Variants in SCARB1 observed in about 807,000 individuals in gnomAD.
SCARB1 encodes the protein scavenger receptor class B member 1.
A neutral mutation model predicts 57.2 loss-of-function variants in SCARB1; 30 were observed. The ratio of observed to expected loss-of-function variants is 0.52; its 90% CI spans 0.39 to 0.71. The LOEUF (loss-of-function observed/expected upper bound fraction) is 0.71. SCARB1 is among the 30% of genes least tolerant of loss of function. The probability of loss-of-function intolerance (pLI) is 0.00; values close to 1 mark genes in which losing one functional copy is unlikely to be tolerated. For synonymous variants in SCARB1, 249 were observed against 268.3 expected (o/e 0.93, Z 0.70); for missense variants, 543 against 671.2 (o/e 0.81, Z 2.11).
At chr12:124,837,584 AAAAGAAAAG>A (rs1951733826) in intron 1 of SCARB1, among the ~76,000 whole-genome samples, 1 of 6,496 alleles carries the variant, frequency 1.5e-4, no homozygotes, top group Non-Finnish European at 6.5e-3. Flanking sequence ...AAAAGAAAAG[AAAAGAAAAG>A]AAAAGTCAGC....
At chr12:124,801,743 C>G (rs918289932) in intron 7 of SCARB1, among the ~76,000 whole-genome samples, 1 of 151,580 alleles carries the variant, frequency 6.6e-6, no homozygotes, top group African/African-American at 2.4e-5. Flanking sequence ...GAGCTGAAAT[C>G]GCATCACTGC....
At position 124,837,458 on chromosome 12, in the gene SCARB1, GGAAAGAAA is replaced by G. The variant is rs750904329; in HGVS notation, c.127-19759_127-19752del. ...GGGAAGAAAGAAAAGAAAGAAAGAAGGAAAGAAAGAAAGAAAGGAAGGAAGGAAGGAAG... is the reference window on the plus strand; with the variant it reads ...GGGAAGAAAGAAAAGAAAGAAAGAAGGAAAGAAAGGAAGGAAGGAAGGAAG... On this transcript the variant is annotated intron_variant, in intron 1 of 12. Coordinates refer to ENST00000261693, the MANE Select transcript of SCARB1 (RefSeq NM_005505.5). 1.0e-4 allele frequency among the ~76,000 whole-genome samples: 6 copies of G among 59,790 alleles called. 1 individual carries two copies. The highest frequency in any genetic ancestry group is 1.8e-4 in the African/African-American group (3 of 17,074). The allele number at this position is 59,790 out of a possible 152,430, so 39.2% of individuals were successfully genotyped here. A position where few individuals can be genotyped will look rare whatever the true frequency, so the allele number is the denominator to read the frequency against.
chr12:124,822,041 T>A lies in SCARB1; in HGVS notation c.127-4334A>T, dbSNP rs1443191327. Among the ~76,000 whole-genome samples the A allele has an allele frequency of 6.6e-6, 1 of 152,034 alleles. No individual in the cohort carries two copies. The highest frequency in any genetic ancestry group is 1.5e-5 in the Non-Finnish European group (1 of 67,976). ...CCTTGTTGGACGCCACTCCCTCCCA[T>A]CTGGCGAAATAGACCCTTTGAGCCC... On this transcript the variant is annotated intron_variant, in intron 1 of 12. Coordinates refer to ENST00000261693, the MANE Select transcript of SCARB1 (RefSeq NM_005505.5). This position sits in a 1 kb window ranked among gnomAD's most constrained non-coding sequence, Gnocchi z 5.0.
At chr12:124,851,019 A>T (rs1405617619) in intron 1 of SCARB1, among the ~76,000 whole-genome samples, 1 of 152,200 alleles carries the variant, frequency 6.6e-6, no homozygotes. Context: ...GACCAATCAC[A>T]GCAGTCCATT....
intron 1 of SCARB1, among the ~76,000 whole-genome samples, chr12:124,858,878 C>CAAA (rs1353288326): frequency 8.1e-6 from 1 of 123,326 alleles, no homozygotes; most frequent in Non-Finnish European, 1.7e-5. Flanking sequence ...GACTCCGTCT[C>CAAA]AAAAAAAAAA....
At chr12:124,841,351 GCAA>G (rs1283422293) in intron 1 of SCARB1, among the ~76,000 whole-genome samples, 34 of 148,642 alleles carry the variant, frequency 2.3e-4, no homozygotes, top group African/African-American at 8.2e-4. Context: ...CCCCGCCTGG[GCAA>G]CAGAGCAAGA....
chr12:124,804,117 G>C (rs1443924230), intron 7 of SCARB1, among the ~76,000 whole-genome samples: 1 of 152,150 alleles, frequency 6.6e-6, no homozygotes, highest in Non-Finnish European at 1.5e-5. Context: ...CCACCCAGGA[G>C]CCATCTGAGC....
At chr12:124,786,635 G>A (rs1223985265) in intron 10 of SCARB1, 132 bp from the exon 11 acceptor site, 2 of 1,513,690 alleles carry the variant, frequency 1.3e-6, no homozygotes, top group African/African-American at 2.8e-5. Flanking sequence ...TAAAGCATGT[G>A]TTGGAGCCTG....
rs1305220516 is a variant in SCARB1 at position 124,800,253 on chromosome 12, G to A, written c.1010-11C>T. ...GAAACAAGGGGGCACCTAGAAGAGG[G>A]GCAGGGAGGGGACATCAGACAAGGA... On this transcript the variant is annotated splice_polypyrimidine_tract_variant and intron_variant, in intron 7 of 12. Transcript: ENST00000261693. The surrounding 1 kb of genome is among the most constrained non-coding windows in gnomAD (Gnocchi z 4.8). 1.3e-6 allele frequency: 2 copies of A among 1,580,670 alleles called. No individual in the cohort carries two copies. Among genetic ancestry groups the A allele is most frequent in the Admixed American group, 3.3e-5 (2 of 59,972 alleles).
rs376084893 is a variant in SCARB1, at chr12:124,817,007, C to T, written c.284+543G>A. Among the ~76,000 whole-genome samples, 205 of 147,018 alleles carry T rather than the reference C, an allele frequency of 1.4e-3. 1 individual carries two copies. The highest frequency in any genetic ancestry group is 4.7e-3 in the African/African-American group (188 of 39,710). On this transcript the variant is annotated intron_variant, in intron 2 of 12. Coordinates refer to ENST00000261693, the MANE Select transcript of SCARB1 (RefSeq NM_005505.5). The surrounding 1 kb of genome is among the most constrained non-coding windows in gnomAD (Gnocchi z 4.8). ...ATAGGGTCTGGGGGGTCGGTCCCTG[C>T]TCCTGGTCATGCATGTGTGTGTGTG...
chr12:124,783,018 G>C (rs1478922680), intron 11 of SCARB1: 3 of 562,240 alleles, frequency 5.3e-6, no homozygotes, highest in Non-Finnish European at 9.5e-6. Context: ...AAACACACCT[G>C]GGAGGTGGAC....
At position 124,807,263 on chromosome 12, in the gene SCARB1, G is replaced by A. The variant is rs1037865624; in HGVS notation, c.1009+498C>T. ...TGGGGTATCCAGGAGAGCACGATGT[G>A]GTCTTAAGGGTCCTTAGAACTGGAA... On this transcript the variant is annotated intron_variant, in intron 7 of 12. Coordinates refer to ENST00000261693, the MANE Select transcript of SCARB1 (RefSeq NM_005505.5). This position sits in a 1 kb window ranked among gnomAD's most constrained non-coding sequence, Gnocchi z 5.3. Among the ~76,000 whole-genome samples, 2 of 152,108 alleles carry A rather than the reference G, an allele frequency of 1.3e-5. No homozygotes were observed. The highest frequency in any genetic ancestry group is 4.8e-5 in the African/African-American group (2 of 41,412).
chr12:124,824,580 T>C (rs1013405885), intron 1 of SCARB1, among the ~76,000 whole-genome samples: 22 of 152,226 alleles, frequency 1.4e-4, no homozygotes, highest in South Asian at 4.1e-4. Context: ...CAAATTAAAA[T>C]GAGATATCAT....
intron 1 of SCARB1, among the ~76,000 whole-genome samples, chr12:124,832,430 GAATC>G (rs1415130609): frequency 6.6e-6 from 1 of 151,686 alleles, no homozygotes; most frequent in African/African-American, 2.4e-5. Flanking sequence ...TGAGGAAGGA[GAATC>G]ACTTGAACCT....
rs1343839692 is a variant in SCARB1 at position 124,822,417 on chromosome 12, A to C, written c.127-4710T>G. 6.6e-6 allele frequency among the ~76,000 whole-genome samples: 1 copy of C among 152,226 alleles called. No individual in the cohort carries two copies. Among genetic ancestry groups the C allele is most frequent in the African/African-American group, 2.4e-5 (1 of 41,462 alleles). On this transcript the variant is annotated intron_variant, in intron 1 of 12. Transcript: ENST00000261693. This position sits in a 1 kb window ranked among gnomAD's most constrained non-coding sequence, Gnocchi z 5.0. ...TACCCCAAGCAAAAAAAAGAAAAGA[A>C]GAATCATACTACACAACACCATTTC...
chr12:124,827,172 G>T (rs1040035891), intron 1 of SCARB1, among the ~76,000 whole-genome samples: 2 of 152,136 alleles, frequency 1.3e-5, no homozygotes, highest in Non-Finnish European at 2.9e-5. Flanking sequence ...TTTTTATTCG[G>T]CCGGGAGCAT....
At chr12:124,802,992 A>C (rs111806054) in intron 7 of SCARB1, among the ~76,000 whole-genome samples, 6,910 of 152,222 alleles carry the variant, frequency 0.045, 269 homozygotes, top group African/African-American at 0.1. Context: ...ATGGAAGGAG[A>C]AGATGGAGGT....
In SCARB1 at chr12:124,817,633, G is replaced by T; in HGVS notation, c.201C>A (p.Val67=). The stretch of plus-strand genomic sequence containing the variant: ...TGGGGTTCATGACGTCAAAGAAGTA[G>T]ACGGAGAGATAGAAGGGGATAGGGA... ...KEIPIPFYLS[V]YFFDVMNPSE... is the part of the protein sequence containing the mutation. Residue 67 remains valine (V), a synonymous_variant, in exon 2 of 13, where the codon GTC becomes GTA. Transcript: ENST00000261693. The surrounding 1 kb of genome is among the most constrained non-coding windows in gnomAD (Gnocchi z 4.8). 6.2e-7 allele frequency: 1 copy of T among 1,614,226 alleles called. No individual in the cohort carries two copies. Among genetic ancestry groups the T allele is most frequent in the Non-Finnish European group, 8.5e-7 (1 of 1,180,032 alleles).
chr12:124,836,104 G>A (rs35126387), intron 1 of SCARB1, among the ~76,000 whole-genome samples: 2,406 of 152,348 alleles, frequency 0.016, 70 homozygotes, highest in African/African-American at 0.054. Context: ...CAGTGCTACA[G>A]GGGTAAAGTT....
Sources: gnomAD v4.1 joint callset for allele counts (sites outside exome capture counted in the v4.1 genomes callset) on GRCh38, gnomAD v4.1.1 for gene constraint, Gnocchi (gnomAD v3.1) non-coding constraint, MANE v1.5 for transcripts, NCBI Gene and HGNC (gene_info 2026-07-23, HGNC 2026-07-21) for gene names.